The following CDH4 variants were observed in gnomAD, a reference collection of about 807,000 sequenced individuals.
CDH4 encodes cadherin 4, also known as cadherin-4.
Under a neutral mutation model 86.0 loss-of-function variants are expected in CDH4, and 33 were observed. That is an observed-to-expected ratio of 0.38 (90% CI 0.29 to 0.51). The LOEUF is 0.51. Ranked by LOEUF, CDH4 falls within the 20% of genes least tolerant of loss-of-function variation. The pLI, the probability that CDH4 is intolerant of heterozygous loss-of-function variation, is 0.86. For synonymous variants in CDH4, 555 were observed against 549.4 expected, an observed-to-expected ratio of 1.01 and a Z score of -0.14; for missense variants, 1,114 against 1,307.4, an observed-to-expected ratio of 0.85 and a Z score of 2.28.
At chr20:61,434,785 C>T (rs1010468866) in intron 2 of CDH4, 5 of 152,194 alleles carry the variant, frequency 3.3e-5, no homozygotes, top group African/African-American at 1.2e-4. Flanking sequence ...CAGGCTGCAG[C>T]TGCTAACCCC....
At chr20:61,848,561 C>T (rs560896920) in intron 5 of CDH4, among the ~76,000 whole-genome samples, 92 of 152,116 alleles carry the variant, frequency 6.0e-4, no homozygotes, top group African/African-American at 2.0e-3. Context: ...AGTCTGACTT[C>T]GTCAGCCAGG....
In CDH4 at chr20:61,346,796, G is replaced by A. The variant is rs186732685; in HGVS notation, c.169+91859G>A. Reference sequence around the variant, plus strand: ...TGTGGCATGAGAATGGATTCCGGGGGCCAGGGTGCAGCAGGAAGCCAGGCT... The same window carrying A: ...TGTGGCATGAGAATGGATTCCGGGGACCAGGGTGCAGCAGGAAGCCAGGCT... On this transcript the variant is annotated intron_variant, in intron 2 of 15. Transcript: ENST00000614565. Among the ~76,000 whole-genome samples, 536 of 151,522 alleles carry A rather than the reference G, an allele frequency of 3.5e-3. 1 individual carries two copies. The highest frequency in any genetic ancestry group is 6.1e-3 in the Non-Finnish European group (413 of 67,818).
intron 2 of CDH4, among the ~76,000 whole-genome samples, chr20:61,673,267 T>C (rs764694410): frequency 5.9e-5 from 9 of 152,300 alleles, no homozygotes; most frequent in East Asian, 1.9e-4. Context: ...CCTAGGAGGC[T>C]CAGGACTTCG....
chr20:61,773,884 T>G (rs1402019978), intron 4 of CDH4, among the ~76,000 whole-genome samples: 1 of 152,162 alleles, frequency 6.6e-6, no homozygotes, highest in African/African-American at 2.4e-5. Flanking sequence ...TTGTGCTGTT[T>G]AGTGTGTTTT....
chr20:61,737,195 C>G (rs2088276446), intron 2 of CDH4, among the ~76,000 whole-genome samples: 1 of 152,116 alleles, frequency 6.6e-6, no homozygotes, highest in African/African-American at 2.4e-5. Flanking sequence ...AGAGGGTGGT[C>G]CCTGGAGGAT....
intron 2 of CDH4, among the ~76,000 whole-genome samples, chr20:61,659,785 C>A (rs184026474): frequency 6.6e-6 from 1 of 152,024 alleles, no homozygotes; most frequent in East Asian, 1.9e-4. Context: ...GGTGGGCCTC[C>A]GGCCCAGGAG....
chr20:61,354,594 T>C (rs1488940499), intron 2 of CDH4, among the ~76,000 whole-genome samples: 1 of 152,202 alleles, frequency 6.6e-6, no homozygotes, highest in African/African-American at 2.4e-5. Context: ...TGAGGGGCTG[T>C]CCTGACCCCT....
Position 61,929,813 on chromosome 20 carries a change from C to A in CDH4, c.2210C>A (p.Ala737Asp). Residue 737 changes from alanine to aspartate, a missense_variant, in exon 13 of 16, where the codon GCC (alanine) becomes GAC (aspartate). By Grantham distance (126) the Ala-to-Asp change is moderately radical. Coordinates refer to ENST00000614565, the MANE Select transcript of CDH4 (RefSeq NM_001794.5). ...GGTCTGGGCACCGGTGCCATCGTGGCCATCCTCATCTGCATCCTCATCCTG... is the reference window on the plus strand; with the variant it reads ...GGTCTGGGCACCGGTGCCATCGTGGACATCCTCATCTGCATCCTCATCCTG... The part of the protein sequence containing the change: ...AAGLGTGAIV[A>D]ILICILILLT... 6.2e-7 allele frequency: 1 copy of A among 1,613,960 alleles called. No individual in the cohort carries two copies. Among genetic ancestry groups the A allele is most frequent in the Non-Finnish European group, 8.5e-7 (1 of 1,179,976 alleles).
chr20:61,652,940 T>A (rs868504720), intron 2 of CDH4, among the ~76,000 whole-genome samples: 8 of 111,186 alleles, frequency 7.2e-5, no homozygotes, highest in South Asian at 2.7e-4. Context: ...ATTTATTTAT[T>A]TTTTTTTTTT....
intron 2 of CDH4, among the ~76,000 whole-genome samples, chr20:61,696,399 G>T (rs1031420014): frequency 6.6e-6 from 1 of 152,250 alleles, no homozygotes; most frequent in Non-Finnish European, 1.5e-5. Context: ...TGAGACTTGG[G>T]CTGAGGATGC....
intron 3 of CDH4, chr20:61,755,074 G>A (rs2088545127): frequency 6.6e-6 from 1 of 152,170 alleles, no homozygotes; most frequent in Non-Finnish European, 1.5e-5. Context: ...AGAAAATGAG[G>A]AAGAAGCAAA....
intron 4 of CDH4, among the ~76,000 whole-genome samples, chr20:61,790,435 T>A (rs535227469): frequency 1.3e-5 from 2 of 150,584 alleles, no homozygotes; most frequent in South Asian, 4.3e-4. Context: ...CATCTCTCCA[T>A]CCATCCATTC....
At chr20:61,398,467 C>T (rs557694102) in intron 2 of CDH4, among the ~76,000 whole-genome samples, 1 of 152,310 alleles carries the variant, frequency 6.6e-6, no homozygotes, top group East Asian at 1.9e-4. Flanking sequence ...GCCCCAAGGG[C>T]ATGGGGTCTG....
chr20:61,875,165 C>T (rs945558321), intron 7 of CDH4, among the ~76,000 whole-genome samples: 1 of 152,198 alleles, frequency 6.6e-6, no homozygotes, highest in Admixed American at 6.5e-5. Context: ...CCAAGACTCA[C>T]CTGCAGTGCT....
chr20:61,764,215 C>T (rs751537347), intron 3 of CDH4, among the ~76,000 whole-genome samples: 2 of 152,228 alleles, frequency 1.3e-5, no homozygotes, highest in Non-Finnish European at 2.9e-5. Flanking sequence ...GCACAGGCCG[C>T]CGCAGGGTGC....
intron 9 of CDH4, among the ~76,000 whole-genome samples, chr20:61,920,813 G>C (rs1378821689): frequency 2.1e-5 from 3 of 140,370 alleles, no homozygotes; most frequent in African/African-American, 5.4e-5. Flanking sequence ...TGGAAGCGTG[G>C]TGTCGTGATT....
intron 2 of CDH4, among the ~76,000 whole-genome samples, chr20:61,260,216 T>C (rs920487656): frequency 2.0e-5 from 3 of 152,216 alleles, no homozygotes; most frequent in Non-Finnish European, 4.4e-5. Context: ...CACTTGCTCT[T>C]GCTTTAAAGG....
chr20:61,395,096 G>A (rs940312521), intron 2 of CDH4, among the ~76,000 whole-genome samples: 58 of 151,472 alleles, frequency 3.8e-4, no homozygotes, highest in African/African-American at 1.3e-3. Context: ...TGGGCAGGAC[G>A]GGCCTTGGGA....
At chr20:61,302,877 C>T (rs73915280) in intron 2 of CDH4, among the ~76,000 whole-genome samples, 3,539 of 152,116 alleles carry the variant, frequency 0.023, 140 homozygotes, top group African/African-American at 0.08. Context: ...AAAGGGAGGC[C>T]GGAGGGTCAA....
Sources: allele counts gnomAD v4.1 joint callset (sites outside exome capture counted in the v4.1 genomes callset), GRCh38; gene constraint gnomAD v4.1.1; transcripts MANE v1.5; gene names NCBI Gene and HGNC (gene_info 2026-07-23, HGNC 2026-07-21).